IFT25: variants seen among roughly 807,000 people sequenced by gnomAD.
The protein encoded by IFT25 is intraflagellar transport protein 25 homolog.
chr1:53,940,181 T>C, the IFT25 span: 1 of 690,146 alleles, frequency 1.4e-6, no homozygotes, highest in Non-Finnish European at 2.5e-6. Flanking sequence ...GGAAAGGCTG[T>C]TGCCTAGCAG....
the IFT25 span, among the ~76,000 whole-genome samples, chr1:53,925,771 T>C: frequency 6.6e-6 from 1 of 151,818 alleles, no homozygotes; most frequent in African/African-American, 2.4e-5. Context: ...ATTACTAACA[T>C]TTCATCATAG....
chr1:53,936,060 A>C, the IFT25 span, among the ~76,000 whole-genome samples: 3 of 151,892 alleles, frequency 2.0e-5, no homozygotes, highest in African/African-American at 4.8e-5. Context: ...AGGAGTTTGA[A>C]ACCAGCCTGG....
the IFT25 span, among the ~76,000 whole-genome samples, chr1:53,930,318 C>G: frequency 6.6e-6 from 1 of 152,112 alleles, no homozygotes; most frequent in Non-Finnish European, 1.5e-5. Flanking sequence ...TTTACTACTA[C>G]CAGGTATTCT....
At chr1:53,938,683 G>C in the IFT25 span, among the ~76,000 whole-genome samples, 2,008 of 152,180 alleles carry the variant, frequency 0.013, 51 homozygotes, top group African/African-American at 0.046. Context: ...CATAAGTCCC[G>C]CCAGTCCTAC....
the IFT25 span, among the ~76,000 whole-genome samples, chr1:53,936,092 T>G: frequency 6.7e-6 from 1 of 150,254 alleles, no homozygotes; most frequent in Non-Finnish European, 1.5e-5. Context: ...AAACCCTGTC[T>G]CTTAAAAAAA....
chr1:53,944,425 ACT>A, the IFT25 span, among the ~76,000 whole-genome samples: 2 of 152,162 alleles, frequency 1.3e-5, no homozygotes, highest in Non-Finnish European at 2.9e-5. Context: ...CAGGCGGATC[ACT>A]TGAGGCCAGC....
At chr1:53,915,225 A>C in the IFT25 span, among the ~76,000 whole-genome samples, 1 of 152,218 alleles carries the variant, frequency 6.6e-6, no homozygotes, top group Non-Finnish European at 1.5e-5. Flanking sequence ...TCATGAGCAG[A>C]AGCAAAAAAA....
At chr1:53,911,828 T>G in the IFT25 span, among the ~76,000 whole-genome samples, 2 of 152,174 alleles carry the variant, frequency 1.3e-5, no homozygotes, top group Admixed American at 1.3e-4. Flanking sequence ...GTATCAATAG[T>G]GCCTAGTCCA....
the IFT25 span, among the ~76,000 whole-genome samples, chr1:53,913,692 G>GAAGATTTA: frequency 3.9e-5 from 6 of 152,192 alleles, no homozygotes; most frequent in African/African-American, 1.4e-4. Context: ...TGCATATGTT[G>GAAGATTTA]AAGATTTAAC....
chr1:53,936,511 T>C, the IFT25 span, among the ~76,000 whole-genome samples: 1 of 152,226 alleles, frequency 6.6e-6, no homozygotes, highest in South Asian at 2.1e-4. Flanking sequence ...GTCATCAAAG[T>C]GGTAGTTTTC....
At chr1:53,930,511 T>G in the IFT25 span, among the ~76,000 whole-genome samples, 1 of 152,198 alleles carries the variant, frequency 6.6e-6, no homozygotes, top group South Asian at 2.1e-4. Flanking sequence ...TCTGCAAATA[T>G]GTTAGGCAGG....
the IFT25 span, among the ~76,000 whole-genome samples, chr1:53,933,135 CTTTTTTT>C: frequency 6.1e-5 from 8 of 131,282 alleles, no homozygotes; most frequent in South Asian, 4.7e-4. Flanking sequence ...TCCTTTTTCT[CTTTTTTT>C]TTTTTTTTTT....
the IFT25 span, among the ~76,000 whole-genome samples, chr1:53,941,428 T>G: frequency 6.6e-6 from 1 of 152,230 alleles, no homozygotes; most frequent in South Asian, 2.1e-4. Context: ...CTTCTTAGTT[T>G]TTGTTTATTA....
At chr1:53,933,526 G>A in the IFT25 span, among the ~76,000 whole-genome samples, 4 of 152,178 alleles carry the variant, frequency 2.6e-5, no homozygotes, top group Non-Finnish European at 5.9e-5. Context: ...TGTCTGACAT[G>A]AATATAACTA....
At chr1:53,935,205 C>T in the IFT25 span, among the ~76,000 whole-genome samples, 33 of 152,094 alleles carry the variant, frequency 2.2e-4, no homozygotes, top group Admixed American at 1.6e-3. Context: ...CCCAGCTACT[C>T]GGGAGGCTGA....
At chr1:53,940,189 C>A in the IFT25 span, 1 of 662,966 alleles carries the variant, frequency 1.5e-6, no homozygotes, top group Admixed American at 2.8e-5. Flanking sequence ...TGTTGCCTAG[C>A]AGATGGTTTA....
the IFT25 span, among the ~76,000 whole-genome samples, chr1:53,940,601 TATAAAG>T: frequency 6.6e-6 from 1 of 152,206 alleles, no homozygotes; most frequent in Admixed American, 6.5e-5. Context: ...ACATTCTAAA[TATAAAG>T]ATACAGACTA....
At chr1:53,927,591 A>T in the IFT25 span, among the ~76,000 whole-genome samples, 2 of 152,180 alleles carry the variant, frequency 1.3e-5, no homozygotes, top group African/African-American at 2.4e-5. Context: ...TGTAGGACGG[A>T]AGAAGGTACC....
chr1:53,922,308 C>T, the IFT25 span, among the ~76,000 whole-genome samples: 2 of 151,614 alleles, frequency 1.3e-5, no homozygotes, highest in Non-Finnish European at 1.5e-5. Flanking sequence ...GCAGGAGAAT[C>T]GCTTGAACCC....
Sources: allele counts gnomAD v4.1 joint callset (sites outside exome capture counted in the v4.1 genomes callset), GRCh38; gene constraint gnomAD v4.1.1; transcripts MANE v1.5; gene names NCBI Gene and HGNC (gene_info 2026-07-23, HGNC 2026-07-21).